MACROD2: variants seen among roughly 807,000 people sequenced by gnomAD.
The protein encoded by MACROD2 is ADP-ribose glycohydrolase MACROD2.
A neutral mutation model predicts 70.4 loss-of-function variants in MACROD2; 36 were observed. The ratio of observed to expected loss-of-function variants is 0.51; its 90% confidence interval spans 0.39 to 0.68. The LOEUF (loss-of-function observed/expected upper bound fraction) is 0.68, where lower values mean the gene tolerates loss of function less well. Ranked by LOEUF, MACROD2 falls within the 30% of genes least tolerant of loss-of-function variation. MACROD2 has a pLI of 0.00. For synonymous variants in MACROD2, 172 were observed against 178.8 expected (o/e 0.96, Z 0.30); for missense variants, 496 against 538.4 (o/e 0.92, Z 0.78).
At chr20:15,509,640 T>A (rs1600512634) in intron 8 of MACROD2, among the ~76,000 whole-genome samples, 1 of 151,960 alleles carries the variant, frequency 6.6e-6, no homozygotes, top group Non-Finnish European at 1.5e-5. Flanking sequence ...AGAAGTAGAG[T>A]GGTAAGAGGT....
intron 8 of MACROD2, among the ~76,000 whole-genome samples, chr20:15,576,143 T>C (rs1057135271): frequency 2.0e-5 from 3 of 152,094 alleles, no homozygotes; most frequent in Admixed American, 6.6e-5. Context: ...ACTTCTTTTC[T>C]CTTTCTTTCT....
At chr20:14,991,695 C>G (rs569016375) in intron 5 of MACROD2, among the ~76,000 whole-genome samples, 1 of 152,242 alleles carries the variant, frequency 6.6e-6, no homozygotes, top group Non-Finnish European at 1.5e-5. Flanking sequence ...CAAAATAGAT[C>G]TCACTTCTTT....
intron 8 of MACROD2, among the ~76,000 whole-genome samples, chr20:15,530,505 G>A (rs2047781616): frequency 6.6e-6 from 1 of 151,972 alleles, no homozygotes; most frequent in Admixed American, 6.6e-5. Context: ...GGCTGAGGCG[G>A]GCGGATCACG....
intron 5 of MACROD2, among the ~76,000 whole-genome samples, chr20:14,808,176 G>A (rs572322703): frequency 2.6e-4 from 39 of 152,194 alleles, no homozygotes; most frequent in Non-Finnish European, 5.0e-4. Flanking sequence ...GTTAAGGGCA[G>A]CCAGAGAGAA....
intron 4 of MACROD2, among the ~76,000 whole-genome samples, chr20:14,499,424 T>G (rs935865336): frequency 6.6e-6 from 1 of 151,988 alleles, no homozygotes; most frequent in Non-Finnish European, 1.5e-5. Flanking sequence ...TCCCAGCTAC[T>G]TGGAAGACTG....
At chr20:14,505,426 T>G (rs2084957972) in intron 4 of MACROD2, among the ~76,000 whole-genome samples, 1 of 152,240 alleles carries the variant, frequency 6.6e-6, no homozygotes, top group South Asian at 2.1e-4. Context: ...TATGCCAATC[T>G]TTATACCCAA....
chr20:15,941,826 T>C (rs1245939168), intron 12 of MACROD2, among the ~76,000 whole-genome samples: 1 of 152,196 alleles, frequency 6.6e-6, no homozygotes, highest in Non-Finnish European at 1.5e-5. Context: ...GACAGGTCTT[T>C]TTTTCTCTTT....
chr20:15,501,183 T>G (rs778834811), intron 8 of MACROD2, among the ~76,000 whole-genome samples: 2 of 152,234 alleles, frequency 1.3e-5, no homozygotes, highest in African/African-American at 2.4e-5. Flanking sequence ...TAAAAGCCAG[T>G]TATCTTCAAT....
At chr20:14,821,964 T>G (rs894406582) in intron 5 of MACROD2, among the ~76,000 whole-genome samples, 2 of 152,108 alleles carry the variant, frequency 1.3e-5, no homozygotes, top group Non-Finnish European at 2.9e-5. Flanking sequence ...TATTTCATAC[T>G]TCTAAATGGA....
chr20:14,232,906 C>G (rs1222298798), intron 3 of MACROD2, among the ~76,000 whole-genome samples: 1 of 152,202 alleles, frequency 6.6e-6, no homozygotes, highest in African/African-American at 2.4e-5. Flanking sequence ...TCATTTCTAG[C>G]TTTTGATCGA....
intron 3 of MACROD2, among the ~76,000 whole-genome samples, chr20:14,320,859 AT>A (rs1415080746): frequency 6.6e-6 from 1 of 151,850 alleles, no homozygotes; most frequent in Non-Finnish European, 1.5e-5. Flanking sequence ...TTTTGGTCAC[AT>A]TTTTTCTTCA....
intron 6 of MACROD2, among the ~76,000 whole-genome samples, chr20:15,350,703 T>C (rs554871190): frequency 6.6e-6 from 1 of 152,308 alleles, no homozygotes; most frequent in Non-Finnish European, 1.5e-5. Context: ...GGACAACATG[T>C]TAAAATATTC....
chr20:15,524,042 A>G (rs112412895), intron 8 of MACROD2, among the ~76,000 whole-genome samples: 4,294 of 152,126 alleles, frequency 0.028, 65 homozygotes, highest in Non-Finnish European at 0.042. Flanking sequence ...GCTCACACTC[A>G]TCCTGATGCA....
At chr20:14,471,493 T>A (rs2084530324) in intron 3 of MACROD2, among the ~76,000 whole-genome samples, 1 of 152,164 alleles carries the variant, frequency 6.6e-6, no homozygotes, top group African/African-American at 2.4e-5. Flanking sequence ...TCAGTTACAA[T>A]AGAGGGTTCC....
At chr20:14,162,780 A>G (rs1569185597) in intron 3 of MACROD2, among the ~76,000 whole-genome samples, 3 of 152,220 alleles carry the variant, frequency 2.0e-5, no homozygotes, top group African/African-American at 7.2e-5. Context: ...TATAGGCAGC[A>G]TATAGTTGGG....
chr20:14,267,425 C>T (rs146871057), intron 3 of MACROD2, among the ~76,000 whole-genome samples: 72 of 152,082 alleles, frequency 4.7e-4, no homozygotes, highest in African/African-American at 1.6e-3. Context: ...TAACCAATGA[C>T]GTATACAATT....
chr20:14,865,408 C>G (rs1044743596), intron 5 of MACROD2, among the ~76,000 whole-genome samples: 12 of 151,630 alleles, frequency 7.9e-5, no homozygotes, highest in Admixed American at 7.2e-4. Flanking sequence ...TTTTTTCTCT[C>G]CTATTACCTA....
chr20:15,355,681 A>C (rs2078278928), intron 6 of MACROD2, among the ~76,000 whole-genome samples: 1 of 152,178 alleles, frequency 6.6e-6, no homozygotes, highest in African/African-American at 2.4e-5. Context: ...AGTCCCCTGA[A>C]ATAATCTAGC....
rs1003774218 is a variant in MACROD2, at chr20:14,751,297, T to C, written c.418+66338T>C. Among the ~76,000 whole-genome samples the C allele has an allele frequency of 8.3e-5, 12 of 144,944 alleles. No homozygotes were observed. In the Admixed American group the frequency reaches 8.4e-4, roughly 10 times the overall value. ...CCTATCAGATCTTCTCTTTTATTCT[T>C]GAGTATTCAGTTCCTCCCTTTTTTT... On this transcript the variant is annotated intron_variant, in intron 5 of 17. Transcript: ENST00000684519.
Sources: gnomAD v4.1 joint callset for allele counts (sites outside exome capture counted in the v4.1 genomes callset) on GRCh38, gnomAD v4.1.1 for gene constraint, MANE v1.5 for transcripts, NCBI Gene and HGNC (gene_info 2026-07-23, HGNC 2026-07-21) for gene names.